Variants in IMMP2L observed in about 807,000 individuals in gnomAD.
The protein encoded by IMMP2L is mitochondrial inner membrane protease subunit 2.
IMMP2L carries 18 observed loss-of-function variants against 19.3 expected under a neutral mutation model. That is an observed-to-expected ratio of 0.93 (90% CI 0.64 to 1.38). IMMP2L has a LOEUF of 1.38. Among genes scored for constraint, IMMP2L ranks in the 40% most tolerant of loss-of-function variants. IMMP2L has a pLI of 0.00. For missense variants in IMMP2L, 233 were observed against 218.2 expected (o/e 1.07, Z -0.43); for synonymous variants, 76 against 73.0 (o/e 1.04, Z -0.21).
intron 1 of IMMP2L, among the ~76,000 whole-genome samples, chr7:111,547,495 AAACT>A (rs781179274): frequency 3.2e-4 from 41 of 129,988 alleles, no homozygotes; most frequent in South Asian, 8.1e-4. Flanking sequence ...TAGGCTAAAC[AAACT>A]GTCATACCCC....
intron 5 of IMMP2L, among the ~76,000 whole-genome samples, chr7:110,730,915 C>G (rs1796233264): frequency 6.6e-6 from 1 of 152,160 alleles, no homozygotes; most frequent in South Asian, 2.1e-4. Context: ...TAATAAACTC[C>G]CCTTTAAATT....
chr7:111,333,089 A>G lies in IMMP2L; in HGVS notation c.239+154149T>C, dbSNP rs191815707. Among the ~76,000 whole-genome samples the G allele has an allele frequency of 1.8e-4, 27 of 152,102 alleles. 1 individual carries two copies. The Middle Eastern group carries it at 0.01, about 57-fold the overall frequency. On this transcript the variant is annotated intron_variant, in intron 3 of 5. Transcript: ENST00000405709. Reference sequence around the variant, plus strand: ...CCCTCCAGGAATGAAGGTTTGTGTCACTCCACCAGGAAAAAAACAAGACCT... The same window carrying G: ...CCCTCCAGGAATGAAGGTTTGTGTCGCTCCACCAGGAAAAAAACAAGACCT...
At chr7:111,133,775 A>G (rs1385368259) in intron 3 of IMMP2L, among the ~76,000 whole-genome samples, 1 of 152,012 alleles carries the variant, frequency 6.6e-6, no homozygotes, top group African/African-American at 2.4e-5. Flanking sequence ...AAATAGACAT[A>G]GGCACACTCT....
intron 5 of IMMP2L, among the ~76,000 whole-genome samples, chr7:110,734,719 TCAAACAAACAAA>T (rs139346353): frequency 6.7e-5 from 10 of 149,132 alleles, no homozygotes; most frequent in East Asian, 2.0e-4. Context: ...TTAATTTGTT[TCAAACAAACAAA>T]CAAACAAACA....
intron 4 of IMMP2L, among the ~76,000 whole-genome samples, chr7:110,905,802 T>A (rs914946775): frequency 6.6e-6 from 1 of 152,210 alleles, no homozygotes; most frequent in Admixed American, 6.5e-5. Flanking sequence ...TTTTTTAAAG[T>A]TGGCAAAGGC....
chr7:110,786,187 T>C (rs140989637), intron 5 of IMMP2L, among the ~76,000 whole-genome samples: 1 of 152,134 alleles, frequency 6.6e-6, no homozygotes, highest in Non-Finnish European at 1.5e-5. Context: ...TTTAGTCTAA[T>C]GTTCCCAGAA....
At chr7:111,305,491 C>T (rs998063002) in intron 3 of IMMP2L, among the ~76,000 whole-genome samples, 5 of 151,140 alleles carry the variant, frequency 3.3e-5, no homozygotes, top group Non-Finnish European at 7.4e-5. Context: ...TAAATTAGCA[C>T]TCTGATTTAT....
At chr7:111,021,695 C>G (rs1438578949) in intron 3 of IMMP2L, among the ~76,000 whole-genome samples, 8 of 152,304 alleles carry the variant, frequency 5.3e-5, no homozygotes, top group Middle Eastern at 3.4e-3. Context: ...CCAGCCGGGC[C>G]AACATGGTGA....
At chr7:110,742,786 AAAT>A (rs952664955) in intron 5 of IMMP2L, among the ~76,000 whole-genome samples, 7 of 149,530 alleles carry the variant, frequency 4.7e-5, no homozygotes, top group African/African-American at 1.8e-4. Flanking sequence ...AAAAAAAAAA[AAAT>A]TTATACTTTC....
intron 3 of IMMP2L, among the ~76,000 whole-genome samples, chr7:111,008,094 T>C (rs2129562820): frequency 6.6e-6 from 1 of 152,222 alleles, no homozygotes; most frequent in South Asian, 2.1e-4. Context: ...CTTCTACTAC[T>C]ACAATAGCCT....
rs530678109 is a variant in IMMP2L, at chr7:111,451,636, G to A, written c.239+35602C>T. On this transcript the variant is annotated intron_variant, in intron 3 of 5. Transcript: ENST00000405709. ...TAGATGACGAGTTAGGGGGTGCAGC[G>A]CACCAGCATGGCACATGTATACATA... Among the ~76,000 whole-genome samples the A allele has an allele frequency of 4.0e-3, 597 of 148,838 alleles. 11 individuals are homozygous for A. Among genetic ancestry groups the A allele is most frequent in the African/African-American group, 0.014 (559 of 40,164 alleles).
chr7:111,255,968 T>C (rs1816649882), intron 3 of IMMP2L, among the ~76,000 whole-genome samples: 1 of 152,070 alleles, frequency 6.6e-6, no homozygotes, highest in Admixed American at 6.6e-5. Flanking sequence ...ACAAATGCTT[T>C]TTAAAAAACT....
intron 3 of IMMP2L, among the ~76,000 whole-genome samples, chr7:111,191,782 C>CAA (rs2129613172): frequency 6.6e-6 from 1 of 152,224 alleles, no homozygotes; most frequent in African/African-American, 2.4e-5. Context: ...TCAAGTTTCA[C>CAA]ATTCTTTCTA....
intron 3 of IMMP2L, among the ~76,000 whole-genome samples, chr7:111,185,942 A>AT (rs1489362785): frequency 2.6e-5 from 4 of 152,110 alleles, no homozygotes; most frequent in Admixed American, 6.6e-5. Context: ...ATCTTGAAAT[A>AT]TTTTTTACCT....
intron 3 of IMMP2L, among the ~76,000 whole-genome samples, chr7:111,476,531 G>C (rs751097932): frequency 1.3e-5 from 2 of 152,114 alleles, no homozygotes; most frequent in Non-Finnish European, 2.9e-5. Flanking sequence ...CAGAAGCCTA[G>C]TAGGTTTGGC....
At chr7:110,883,680 A>G (rs1809924398) in intron 5 of IMMP2L, among the ~76,000 whole-genome samples, 1 of 152,152 alleles carries the variant, frequency 6.6e-6, no homozygotes, top group Non-Finnish European at 1.5e-5. Context: ...TGAAATGTAT[A>G]AGCCAAAAGT....
chr7:111,239,182 A>G (rs1049798519), intron 3 of IMMP2L, among the ~76,000 whole-genome samples: 1 of 152,028 alleles, frequency 6.6e-6, no homozygotes, highest in African/African-American at 2.4e-5. Context: ...CCTGTTCAAC[A>G]TTAGTTAATT....
At chr7:111,242,703 A>C (rs932247092) in intron 3 of IMMP2L, among the ~76,000 whole-genome samples, 1 of 152,044 alleles carries the variant, frequency 6.6e-6, no homozygotes, top group East Asian at 1.9e-4. Flanking sequence ...TCAGATGACC[A>C]CTCTAAATAC....
chr7:111,557,960 C>T (rs1008061410), intron 1 of IMMP2L, among the ~76,000 whole-genome samples: 5 of 151,762 alleles, frequency 3.3e-5, no homozygotes, highest in Non-Finnish European at 7.4e-5. Flanking sequence ...TTAGTACAGA[C>T]ATCTGTTACT....
Sources: allele counts gnomAD v4.1 joint callset (sites outside exome capture counted in the v4.1 genomes callset), GRCh38; gene constraint gnomAD v4.1.1; transcripts MANE v1.5; gene names NCBI Gene and HGNC (gene_info 2026-07-23, HGNC 2026-07-21).